FOXA2: variants seen among roughly 807,000 people sequenced by gnomAD.
The protein encoded by FOXA2 is forkhead box A2, also known as hepatocyte nuclear factor 3-beta.
Under a neutral mutation model 33.3 loss-of-function variants are expected in FOXA2, and 9 were observed. The observed-to-expected ratio is 0.27, with a 90% CI of 0.16 to 0.47. The LOEUF is 0.47. FOXA2 is among the 20% of genes least tolerant of loss of function. The pLI is 0.99. For missense variants in FOXA2, 704 were observed against 659.9 expected (o/e 1.07, Z -0.73); for synonymous variants, 329 against 289.4 (o/e 1.14, Z -1.39).
In FOXA2 at chr20:22,582,543, G is replaced by A. The variant is rs752547674; in HGVS notation, c.699C>T (p.Pro233=). The A allele has an allele frequency of 3.1e-6, 5 of 1,614,154 alleles. No individual in the cohort carries two copies. Among genetic ancestry groups the A allele is most frequent in the East Asian group, 2.2e-5 (1 of 44,850 alleles). Residue 233 remains proline, a synonymous_variant, in exon 2 of 2, where the codon CCC becomes CCT. Coordinates refer to ENST00000419308, the MANE Select transcript of FOXA2 (RefSeq NM_021784.5). The part of the protein sequence containing the change: ...FLKVPRSPDK[P]GKGSFWTLHP... ...GCAGGGTCCAGAAGGAGCCCTTGCC[G>A]GGCTTGTCGGGCGAGCGGGGCACCT...
chr20:22,583,018 A>G lies in FOXA2; in HGVS notation c.224T>C (p.Val75Ala). 6.2e-7 allele frequency: 1 copy of G among 1,609,252 alleles called. No individual in the cohort carries two copies. Among genetic ancestry groups the G allele is most frequent in the Non-Finnish European group, 8.5e-7 (1 of 1,179,338 alleles). ...SAGSMNMSSY[V>A]GAGMSPSLAG... is the part of the protein sequence containing the mutation. ...CAGGGACGGGCTCATGCCAGCGCCC[A>G]CGTACGACGACATGTTCATGGAGCC... The change falls in exon 2 of 2, where the codon GTG becomes GCG. Residue 75 changes from valine (V) to alanine (A), a missense_variant. Around this residue, in one of 5 missense-constraint regions of FOXA2, gnomAD observed 304 missense variants for 251.7 expected, o/e 1.21. Coordinates refer to ENST00000419308, the MANE Select transcript of FOXA2 (RefSeq NM_021784.5).
At position 22,583,098 on chromosome 20, in the gene FOXA2, C is replaced by A. The variant is rs757617228; in HGVS notation, c.144G>T (p.Thr48=). ...TGGCGGCCGCCGACATGCTCATGTA[C>A]GTGTTCATGCCGTTCATCCCCAGGC... ...NAGLGMNGMN[T]YMSMSAAAMG... The change falls in exon 2 of 2, where the codon ACG becomes ACT. Residue 48 remains threonine, a synonymous_variant. Coordinates refer to ENST00000419308, the MANE Select transcript of FOXA2 (RefSeq NM_021784.5). 1.9e-6 allele frequency: 3 copies of A among 1,608,490 alleles called. No homozygotes were observed. Among genetic ancestry groups the A allele is most frequent in the Admixed American group, 1.7e-5 (1 of 60,010 alleles).
At chr20:22,584,063 A>G (rs1984681159) in intron 1 of FOXA2, 129 bp downstream of exon 1, 1 of 777,280 alleles carries the variant, frequency 1.3e-6, no homozygotes, top group Non-Finnish European at 2.2e-6. Flanking sequence ...AGGGCGGAAA[A>G]GGCGGCTGCC....
chr20:22,584,413 C>G lies in FOXA2; in HGVS notation c.-135G>C. Reference sequence around the variant, plus strand: ...TCGCGCTCCCTCTCCCTGGGCTCCACTCCCTCTCTCTCCCTGGGCAGGCCG... The same window carrying G: ...TCGCGCTCCCTCTCCCTGGGCTCCAGTCCCTCTCTCTCCCTGGGCAGGCCG... On this transcript the variant is annotated 5_prime_UTR_variant, in exon 1 of 2. Transcript: ENST00000419308. 1.4e-6 allele frequency: 1 copy of G among 712,344 alleles called. No homozygotes were observed. The highest frequency in any genetic ancestry group is 1.6e-5 in the South Asian group (1 of 61,944). The allele number at this position is 712,344 out of a possible 1,614,324, so 44.1% of individuals were successfully genotyped here.
chr20:22,583,886 A>G (rs1164320903), intron 1 of FOXA2, among the ~76,000 whole-genome samples: 3 of 133,060 alleles, frequency 2.3e-5, no homozygotes, highest in Admixed American at 7.4e-5. Context: ...CCGACCTCCC[A>G]CCCCTCCCCA....
chr20:22,582,263 C>T lies in FOXA2; in HGVS notation c.979G>A (p.Glu327Lys), dbSNP rs1394193535. Residue 327 changes from glutamate to lysine, a missense_variant, in exon 2 of 2, where the codon GAG (glutamate) becomes AAG (lysine). Physicochemically the swap from Glu to Lys is moderately conservative, Grantham distance 56. Around this residue, in one of 5 missense-constraint regions of FOXA2, gnomAD observed 343 missense variants for 274.8 expected, o/e 1.25. Coordinates refer to ENST00000419308, the MANE Select transcript of FOXA2 (RefSeq NM_021784.5). ...CQEHKRGGLG[E>K]LKGTPAAALS... ...GCCGCAGCCGGCGTCCCCTTCAGCT[C>T]TCCCAGGCCCCCTCGCTTGTGCTCC... 2.7e-6 allele frequency: 4 copies of T among 1,465,378 alleles called. No homozygotes were observed. Among genetic ancestry groups the T allele is most frequent in the Non-Finnish European group, 3.6e-6 (4 of 1,116,388 alleles). The allele number at this position is 1,465,378 out of a possible 1,614,324, so 90.8% of individuals were successfully genotyped here. A position where few individuals can be genotyped will look rare whatever the true frequency, so the allele number is the denominator to read the frequency against.
chr20:22,581,713 G>A lies in FOXA2; in HGVS notation c.*137C>T. The A allele has an allele frequency of 1.3e-6, 1 of 784,028 alleles. No individual in the cohort carries two copies. Among genetic ancestry groups the A allele is most frequent in the Non-Finnish European group, 2.1e-6 (1 of 470,570 alleles). 48.6% of individuals were successfully genotyped at this position (784,028 alleles called of 1,614,324 possible). On this transcript the variant is annotated 3_prime_UTR_variant, in exon 2 of 2. Coordinates refer to ENST00000419308, the MANE Select transcript of FOXA2 (RefSeq NM_021784.5). ...AGAAGACTGCTGTCTTGGGGGTGTT[G>A]GGGTGGGGGTGTTATGGATTTCTTC...
chr20:22,584,742 C>T (rs1421908267), upstream of FOXA2, among the ~76,000 whole-genome samples: 1 of 149,972 alleles, frequency 6.7e-6, no homozygotes, highest in African/African-American at 2.5e-5. Context: ...GGACAAGTGC[C>T]GCAGTGACGT....
rs148876337 is a variant in FOXA2 at position 22,584,256 on chromosome 20, A to G, written c.23T>C (p.Leu8Pro). ...GTGCCCTTCCATCTTCACCGCTCCC[A>G]GCATACTGGAAGCCGAGTGCATGGC... Reference protein sequence around the residue: MHSASSMLGAVKMEGHEP... With the variant: MHSASSMPGAVKMEGHEP... Residue 8 changes from leucine (L) to proline (P), a missense_variant, in exon 1 of 2, where the codon CTG (leucine) becomes CCG (proline). Around this residue, in one of 5 missense-constraint regions of FOXA2, gnomAD observed 304 missense variants for 251.7 expected, o/e 1.21. Coordinates refer to ENST00000419308, the MANE Select transcript of FOXA2 (RefSeq NM_021784.5). 7 of 1,613,734 alleles carry G rather than the reference A, an allele frequency of 4.3e-6. No individual in the cohort carries two copies. The African/African-American group carries it at 9.3e-5, about 22-fold the overall frequency.
intron 1 of FOXA2, among the ~76,000 whole-genome samples, chr20:22,583,672 A>C (rs1984668234): frequency 1.3e-5 from 2 of 152,152 alleles, no homozygotes; most frequent in South Asian, 4.1e-4. Flanking sequence ...GGGAAACTGC[A>C]AGGCAGTGCC....
rs930397123 is a variant in FOXA2 at position 22,581,580 on chromosome 20, A to G, written c.*270T>C. 1.2e-5 allele frequency: 4 copies of G among 342,636 alleles called. No homozygotes were observed. The highest frequency in any genetic ancestry group is 8.4e-5 in the African/African-American group (4 of 47,552). The allele number at this position is 342,636 out of a possible 1,614,324, so 21.2% of individuals were successfully genotyped here. A position where few individuals can be genotyped will look rare whatever the true frequency, so the allele number is the denominator to read the frequency against. On this transcript the variant is annotated 3_prime_UTR_variant, in exon 2 of 2. Coordinates refer to ENST00000419308, the MANE Select transcript of FOXA2 (RefSeq NM_021784.5). The stretch of plus-strand genomic sequence containing the variant: ...AGCAGGAGTCTACACAGTAGTGGAA[A>G]CCGGAGGCTTTTTTTTAACTTTATA...
In FOXA2 at chr20:22,584,098, G is replaced by T. The variant is rs1029927199; in HGVS notation, c.87+94C>A. On this transcript the variant is annotated intron_variant, in intron 1 of 1. Transcript: ENST00000419308. Reference sequence around the variant, plus strand: ...CCAGAAAGGCTGGGGTTGTGGGGCGGGGTGGGGGGGTGCCAGCGAGGGAAG... The same window carrying T: ...CCAGAAAGGCTGGGGTTGTGGGGCGTGGTGGGGGGGTGCCAGCGAGGGAAG... The T allele has an allele frequency of 2.6e-5, 32 of 1,225,116 alleles. 1 individual carries two copies. The East Asian group carries it at 3.1e-4, about 12-fold the overall frequency. 75.9% of individuals were successfully genotyped at this position (1,225,116 alleles called of 1,614,324 possible).
chr20:22,585,486 T>C (rs2277764), upstream of FOXA2: 17,791 of 152,244 alleles, frequency 0.12, 1,979 homozygotes, highest in African/African-American at 0.29. Context: ...CTGAGATTTG[T>C]CTCTGATATT....
In FOXA2 at chr20:22,581,588, CT is replaced by C. The variant is rs200064227; in HGVS notation, c.*261del. 1.1e-4 allele frequency: 40 copies of C among 356,906 alleles called. No homozygotes were observed. Among genetic ancestry groups the C allele is most frequent in the South Asian group, 2.8e-4 (3 of 10,798 alleles). 22.1% of individuals were successfully genotyped at this position (356,906 alleles called of 1,614,324 possible). A position where few individuals can be genotyped will look rare whatever the true frequency, so the allele number is the denominator to read the frequency against. On this transcript the variant is annotated 3_prime_UTR_variant, in exon 2 of 2. Coordinates refer to ENST00000419308, the MANE Select transcript of FOXA2 (RefSeq NM_021784.5). The stretch of plus-strand genomic sequence containing the variant: ...TCTACACAGTAGTGGAAACCGGAGG[CT>C]TTTTTTTAACTTTATATTCTTTCCC...
chr20:22,582,041 GGTGGTGGTGGCT>G lies in FOXA2; in HGVS notation c.1189_1200del (p.Ser397_His400del), dbSNP rs746533493. ...TTGAGGTCCATTTTGTGGGGTTGGT[GGTGGTGGTGGCT>G]GTGGTGGTGCTGCTGCTCCGAGGAC... On this transcript the variant is annotated inframe_deletion, in exon 2 of 2. Transcript: ENST00000419308. 3.7e-6 allele frequency: 6 copies of G among 1,613,516 alleles called. 1 individual carries two copies. The South Asian group carries it at 6.6e-5, about 18-fold the overall frequency.
At position 22,582,793 on chromosome 20, in the gene FOXA2, C is replaced by A. The variant is rs2122993759; in HGVS notation, c.449G>T (p.Arg150Leu). 2.5e-6 allele frequency: 4 copies of A among 1,613,832 alleles called. No individual in the cohort carries two copies. Among genetic ancestry groups the A allele is most frequent in the Non-Finnish European group, 3.4e-6 (4 of 1,179,880 alleles). Residue 150 changes from arginine to leucine, a missense_variant, in exon 2 of 2, where the codon CGC (arginine) becomes CTC (leucine). Arg to Leu is a moderately radical substitution (Grantham distance 102). This residue lies in a region of FOXA2 where 304 missense variants were observed against 251.7 expected (regional missense o/e 1.21). Coordinates refer to ENST00000419308, the MANE Select transcript of FOXA2 (RefSeq NM_021784.5). ...CCTGTAGGTCTTGGGGTCGCGGGCG[C>A]GGCTCAGGCCCGCCTGCCCGTACAT... ...SPMYGQAGLS[R>L]ARDPKTYRRS...
rs1201253731 is a variant in FOXA2, at chr20:22,581,909, C to A, written c.1333G>T (p.Ala445Ser). 6.2e-7 allele frequency: 1 copy of A among 1,606,114 alleles called. No homozygotes were observed. The highest frequency in any genetic ancestry group is 1.3e-5 in the African/African-American group (1 of 74,856). The change falls in exon 2 of 2, where the codon GCC (alanine) becomes TCC (serine). Residue 445 changes from alanine (A) to serine (S), a missense_variant. Physicochemically the swap from Ala to Ser is moderately conservative, Grantham distance 99 (BLOSUM62 1). Transcript: ENST00000419308. ...CCCTGGTAGTAGGAGGTATCTGCGG[C>A]CAGGGGCGAGGCGTCCAGGCCCGTT... ...NKTGLDASPL[A>S]ADTSYYQGVY...
Position 22,582,352 on chromosome 20 carries a change from G to T in FOXA2, c.890C>A (p.Ala297Asp). The T allele has an allele frequency of 6.7e-7, 1 of 1,483,358 alleles. No individual in the cohort carries two copies. The highest frequency in any genetic ancestry group is 8.9e-7 in the Non-Finnish European group (1 of 1,125,938). 91.9% of individuals were successfully genotyped at this position (1,483,358 alleles called of 1,614,324 possible). A position where few individuals can be genotyped will look rare whatever the true frequency, so the allele number is the denominator to read the frequency against. ...CGCCGGAGTCTCGGAGGCCGGCCCG[G>T]CGGCCTCCCCGAGTTGAGCCTGTGA... is the stretch of plus-strand genomic sequence containing the variant. ...QASQAQLGEA[A>D]GPASETPAGT... is the part of the protein sequence containing the mutation. Residue 297 changes from alanine (A) to aspartate (D), a missense_variant, in exon 2 of 2, where the codon GCC (alanine) becomes GAC (aspartate). Physicochemically the swap from Ala to Asp is moderately radical, Grantham distance 126. Transcript: ENST00000419308.
In FOXA2 at chr20:22,582,879, C is replaced by T. The variant is rs561404961; in HGVS notation, c.363G>A (p.Gly121=). Residue 121 remains glycine (G), a synonymous_variant, in exon 2 of 2, where the codon GGG becomes GGA. Transcript: ENST00000419308. ...GGCCGCCCATGGCCCCGGCCGCCTG[C>T]CCCCCGAGCGGGCTCAGGCTGGGAC... ...HLSPSLSPLG[G]QAAGAMGGLA... is the part of the protein sequence containing the mutation. 242 of 1,574,056 alleles carry T rather than the reference C, an allele frequency of 1.5e-4. 1 individual carries two copies. The highest frequency in any genetic ancestry group is 9.6e-4 in the South Asian group (81 of 84,600).
Sources: gnomAD v4.1 joint callset for allele counts (sites outside exome capture counted in the v4.1 genomes callset) on GRCh38, gnomAD v4.1.1 for gene constraint, gnomAD v4.1.1 regional missense constraint, MANE v1.5 for transcripts, NCBI Gene and HGNC (gene_info 2026-07-23, HGNC 2026-07-21) for gene names.